The following SBF2 variants were observed in gnomAD, a reference collection of about 807,000 sequenced individuals.
SBF2 encodes SET binding factor 2.
In SBF2, 112 loss-of-function variants were observed where a neutral mutation model predicts 225.2. The ratio of observed to expected loss-of-function variants is 0.50; its 90% CI spans 0.43 to 0.58. The LOEUF (loss-of-function observed/expected upper bound fraction) is 0.58, where lower values mean the gene tolerates loss of function less well. Ranked by LOEUF, SBF2 falls within the 20% of genes least tolerant of loss-of-function variation. The pLI is 0.00. For missense variants in SBF2, 1,996 were observed against 2,206.2 expected, an observed-to-expected ratio of 0.90 and a Z score of 1.91; for synonymous variants, 763 against 773.3, an observed-to-expected ratio of 0.99 and a Z score of 0.22.
chr11:10,002,447 G>C (rs963500359), intron 7 of SBF2, 110 bp downstream of exon 7: 12 of 888,274 alleles, frequency 1.4e-5, no homozygotes, highest in South Asian at 4.6e-5. Flanking sequence ...GCATAACTTT[G>C]TAAAATATCC....
intron 32 of SBF2, among the ~76,000 whole-genome samples, chr11:9,807,460 A>G (rs1853916520): frequency 6.6e-6 from 1 of 152,236 alleles, no homozygotes; most frequent in Non-Finnish European, 1.5e-5. Context: ...ATGTCATTGC[A>G]AAAGACATGA....
chr11:9,869,722 A>G (rs1858561162), intron 17 of SBF2, among the ~76,000 whole-genome samples: 1 of 152,216 alleles, frequency 6.6e-6, no homozygotes, highest in Non-Finnish European at 1.5e-5. Flanking sequence ...AGAGCCATAT[A>G]TAACAAACCC....
chr11:9,799,510 A>G (rs927291174), intron 32 of SBF2, among the ~76,000 whole-genome samples: 2 of 152,202 alleles, frequency 1.3e-5, no homozygotes, highest in Admixed American at 1.3e-4. Context: ...ATGCAGAGCA[A>G]TTTGTTTTTT....
At chr11:10,158,664 C>A (rs1391839578) in intron 2 of SBF2, among the ~76,000 whole-genome samples, 1 of 152,034 alleles carries the variant, frequency 6.6e-6, no homozygotes. Context: ...AGCAAGGAGA[C>A]TGAATCATAC....
chr11:9,959,882 G>GA lies in SBF2; in HGVS notation c.1860+2074dup, dbSNP rs769382547. 421 of 433,722 alleles carry GA rather than the reference G, an allele frequency of 9.7e-4. 1 individual carries two copies. Among genetic ancestry groups the GA allele is most frequent in the Non-Finnish European group, 1.5e-3 (345 of 222,910 alleles). The allele number at this position is 433,722 out of a possible 1,614,324, so 26.9% of individuals were successfully genotyped here. ...AGGAGGGGAGGCCACTGTGCGCTCAGAAACTCTGCTCTTCTCCCATTCTCG... is the reference window on the plus strand; with the variant it reads ...AGGAGGGGAGGCCACTGTGCGCTCAGAAAACTCTGCTCTTCTCCCATTCTCG... On this transcript the variant is annotated intron_variant, in intron 16 of 39. Coordinates refer to ENST00000256190, the MANE Select transcript of SBF2 (RefSeq NM_030962.4).
chr11:9,928,859 C>G (rs936722444), intron 16 of SBF2: 46 of 232,854 alleles, frequency 2.0e-4, no homozygotes, highest in African/African-American at 1.0e-3. Flanking sequence ...TTGTTAATGA[C>G]TTATTACTTG....
chr11:9,793,766 T>C (rs1852913841), intron 33 of SBF2, among the ~76,000 whole-genome samples: 1 of 152,196 alleles, frequency 6.6e-6, no homozygotes, highest in African/African-American at 2.4e-5. Flanking sequence ...GTTGGGGATG[T>C]TGCCTGGACC....
At chr11:10,134,549 G>A (rs1954254086) in intron 2 of SBF2, among the ~76,000 whole-genome samples, 1 of 152,164 alleles carries the variant, frequency 6.6e-6, no homozygotes, top group African/African-American at 2.4e-5. Context: ...TTACTTCCTA[G>A]ATACAATGGG....
chr11:9,821,821 T>A lies in SBF2; in HGVS notation c.3794-4797A>T, dbSNP rs561832452. Among the ~76,000 whole-genome samples, 431 of 152,212 alleles carry A rather than the reference T, an allele frequency of 2.8e-3. 1 individual carries two copies. The highest frequency in any genetic ancestry group is 4.0e-3 in the Non-Finnish European group (272 of 68,032). ...GCATGTGCCTTAGTACTACCTGAAT[T>A]GTGATATAAAATGAATGGGTATATA... On this transcript the variant is annotated intron_variant, in intron 28 of 39. Coordinates refer to ENST00000256190, the MANE Select transcript of SBF2 (RefSeq NM_030962.4).
At chr11:10,117,186 A>C (rs1953181334) in intron 2 of SBF2, among the ~76,000 whole-genome samples, 1 of 152,170 alleles carries the variant, frequency 6.6e-6, no homozygotes. Flanking sequence ...CACGCCTGTA[A>C]TCCCAGCACT....
intron 16 of SBF2, among the ~76,000 whole-genome samples, chr11:9,917,958 C>T (rs12270444): frequency 0.015 from 2,349 of 151,690 alleles, 147 homozygotes; most frequent in African/African-American, 0.053. Context: ...TTTATTCAGT[C>T]GCCTAGCCAA....
At chr11:9,879,677 C>T (rs566952160) in intron 17 of SBF2, among the ~76,000 whole-genome samples, 12 of 152,268 alleles carry the variant, frequency 7.9e-5, no homozygotes, top group African/African-American at 2.4e-4. Context: ...TCGCTGTGCA[C>T]GTACTATATG....
At chr11:9,821,491 C>T (rs1854751807) in intron 28 of SBF2, among the ~76,000 whole-genome samples, 1 of 152,108 alleles carries the variant, frequency 6.6e-6, no homozygotes, top group African/African-American at 2.4e-5. Context: ...ATTCTAATCC[C>T]ATCTGGAAGT....
intron 1 of SBF2, among the ~76,000 whole-genome samples, chr11:10,216,273 G>C (rs1161424932): frequency 6.6e-6 from 1 of 152,172 alleles, no homozygotes; most frequent in African/African-American, 2.4e-5. Context: ...TCATTCTGTT[G>C]TTGAAAGATC....
intron 1 of SBF2, among the ~76,000 whole-genome samples, chr11:10,290,639 G>C (rs1022150380): frequency 3.9e-5 from 6 of 151,968 alleles, no homozygotes; most frequent in African/African-American, 1.5e-4. Flanking sequence ...AATACATTCA[G>C]GATAACAGAA....
intron 16 of SBF2, among the ~76,000 whole-genome samples, chr11:9,924,195 A>C (rs1481024446): frequency 6.6e-6 from 1 of 152,184 alleles, no homozygotes; most frequent in Non-Finnish European, 1.5e-5. Context: ...TGTGAAAGTG[A>C]TATGCATTCG....
chr11:9,881,516 G>C (rs956180925), intron 17 of SBF2, among the ~76,000 whole-genome samples: 1 of 152,010 alleles, frequency 6.6e-6, no homozygotes, highest in African/African-American at 2.4e-5. Flanking sequence ...CAAATAAGGG[G>C]AAACTGTCCA....
intron 2 of SBF2, among the ~76,000 whole-genome samples, chr11:10,130,137 C>A (rs1365152199): frequency 6.6e-6 from 1 of 152,124 alleles, no homozygotes; most frequent in Non-Finnish European, 1.5e-5. Context: ...CCGAGGTGGG[C>A]AGATCACGAG....
In SBF2 at chr11:10,064,807, G is replaced by C. The variant is rs910531260; in HGVS notation, c.142-21826C>G. ...AATCTGATAGAACAGCAAGAGGGAA[G>C]AGGCAAATATCCTCTATTTCAGTCA... On this transcript the variant is annotated intron_variant, in intron 2 of 39. Transcript: ENST00000256190. Among the ~76,000 whole-genome samples, 3 of 152,238 alleles carry C rather than the reference G, an allele frequency of 2.0e-5. No individual in the cohort carries two copies. The South Asian group carries it at 6.2e-4, about 32-fold the overall frequency.
Sources: allele counts gnomAD v4.1 joint callset (sites outside exome capture counted in the v4.1 genomes callset), GRCh38; gene constraint gnomAD v4.1.1; transcripts MANE v1.5; gene names NCBI Gene and HGNC (gene_info 2026-07-23, HGNC 2026-07-21).